The following PARD3B variants were observed in gnomAD, a reference collection of about 807,000 sequenced individuals.
PARD3B encodes the protein par-3 family cell polarity regulator beta, also known as partitioning defective 3 homolog B.
In PARD3B, 103 loss-of-function variants were observed where a neutral mutation model predicts 130.2. The ratio of observed to expected loss-of-function variants is 0.79; its 90% CI spans 0.67 to 0.93. PARD3B has a LOEUF of 0.93. PARD3B is among the 40% of genes least tolerant of loss of function. The pLI is 0.00. For synonymous variants in PARD3B, 583 were observed against 553.2 expected (o/e 1.05, Z -0.76); for missense variants, 1,609 against 1,499.2 (o/e 1.07, Z -1.21).
intron 16 of PARD3B, among the ~76,000 whole-genome samples, chr2:205,282,538 T>C (rs1193560261): frequency 7.6e-6 from 1 of 132,296 alleles, no homozygotes; most frequent in Non-Finnish European, 1.7e-5. Flanking sequence ...CACACATATA[T>C]ATTTAAATTT....
At chr2:205,484,923 GT>G (rs2049379760) in intron 20 of PARD3B, among the ~76,000 whole-genome samples, 1 of 152,130 alleles carries the variant, frequency 6.6e-6, no homozygotes, top group African/African-American at 2.4e-5. Context: ...TTCACTGTGG[GT>G]TATTTATAGA....
intron 1 of PARD3B, among the ~76,000 whole-genome samples, chr2:204,549,555 A>G (rs977544159): frequency 3.3e-5 from 5 of 152,128 alleles, no homozygotes; most frequent in Admixed American, 3.3e-4. Context: ...CAAGATTCTC[A>G]TTCATTGGGT....
intron 4 of PARD3B, among the ~76,000 whole-genome samples, chr2:205,050,528 C>G (rs1217293451): frequency 6.6e-6 from 1 of 152,004 alleles, no homozygotes; most frequent in Non-Finnish European, 1.5e-5. Flanking sequence ...TGAAATGTGT[C>G]TGATCCAAAT....
chr2:204,615,046 T>C (rs1254401828), intron 1 of PARD3B, among the ~76,000 whole-genome samples: 2 of 152,198 alleles, frequency 1.3e-5, no homozygotes, highest in African/African-American at 4.8e-5. Flanking sequence ...TTTTTGCAGA[T>C]CTTAATGTTT....
intron 22 of PARD3B, among the ~76,000 whole-genome samples, chr2:205,603,851 A>G (rs2054883699): frequency 6.6e-6 from 1 of 152,102 alleles, no homozygotes; most frequent in Admixed American, 6.6e-5. Flanking sequence ...TTTTCAGTTA[A>G]GGTTAATATT....
intron 10 of PARD3B, among the ~76,000 whole-genome samples, chr2:205,143,311 G>A (rs2033120485): frequency 6.6e-6 from 1 of 152,078 alleles, no homozygotes; most frequent in Non-Finnish European, 1.5e-5. Flanking sequence ...TCATGTATCA[G>A]CAAGTAAAAA....
intron 3 of PARD3B, among the ~76,000 whole-genome samples, chr2:204,991,146 T>C (rs548993670): frequency 6.6e-6 from 1 of 152,062 alleles, no homozygotes; most frequent in South Asian, 2.1e-4. Context: ...TACATATGTA[T>C]ACATGTGCCA....
intron 1 of PARD3B, among the ~76,000 whole-genome samples, chr2:204,643,040 G>T (rs2035139069): frequency 6.9e-6 from 1 of 145,580 alleles, no homozygotes; most frequent in Non-Finnish European, 1.5e-5. Context: ...TTTGAACCCG[G>T]GGGGCGCAGA....
At chr2:204,837,792 C>CT (rs1332796938) in intron 2 of PARD3B, among the ~76,000 whole-genome samples, 1 of 152,118 alleles carries the variant, frequency 6.6e-6, no homozygotes, top group African/African-American at 2.4e-5. Flanking sequence ...ATTTCCAGCC[C>CT]TTGGCCATAT....
chr2:204,695,259 T>C (rs1180041779), intron 2 of PARD3B, among the ~76,000 whole-genome samples: 1 of 152,050 alleles, frequency 6.6e-6, no homozygotes, highest in African/African-American at 2.4e-5. Context: ...GACCATTATT[T>C]TTTTTTAATA....
chr2:205,233,137 C>T (rs1485750471), intron 15 of PARD3B, among the ~76,000 whole-genome samples: 2 of 151,822 alleles, frequency 1.3e-5, no homozygotes, highest in African/African-American at 2.4e-5. Context: ...AAAAACAGGA[C>T]GACACATTTC....
chr2:205,054,402 T>TTATATATATATATATA (rs1491424946), intron 4 of PARD3B, among the ~76,000 whole-genome samples: 1 of 39,286 alleles, frequency 2.5e-5, no homozygotes, highest in African/African-American at 7.5e-5. Context: ...ATGACATGTC[T>TTATATATATATATATA]TTTATATATA....
At chr2:204,889,929 A>G (rs1221597756) in intron 2 of PARD3B, among the ~76,000 whole-genome samples, 2 of 152,240 alleles carry the variant, frequency 1.3e-5, no homozygotes, top group African/African-American at 4.8e-5. Context: ...TCCAACTGGA[A>G]GCATTCTAAT....
chr2:204,701,886 C>A (rs1215812708), intron 2 of PARD3B, among the ~76,000 whole-genome samples: 3 of 152,062 alleles, frequency 2.0e-5, no homozygotes, highest in Non-Finnish European at 4.4e-5. Flanking sequence ...GAACCCTTTC[C>A]CTTTTTGCTA....
chr2:205,381,042 A>G (rs1303900490), intron 18 of PARD3B, among the ~76,000 whole-genome samples: 1 of 53,218 alleles, frequency 1.9e-5, no homozygotes, highest in African/African-American at 1.2e-4. Context: ...TATATAAAGA[A>G]TATATATTAT....
intron 10 of PARD3B, among the ~76,000 whole-genome samples, chr2:205,156,256 C>T (rs868619474): frequency 2.2e-5 from 1 of 45,618 alleles, no homozygotes; most frequent in African/African-American, 8.6e-5. Flanking sequence ...ACTCTGGGGA[C>T]TGTTGTGGGG....
chr2:205,224,382 A>AAAAAAG (rs2038418863), intron 15 of PARD3B, among the ~76,000 whole-genome samples: 1 of 148,938 alleles, frequency 6.7e-6, no homozygotes. Flanking sequence ...AAAAAAAAAA[A>AAAAAAG]AAAAAAGAAA....
At chr2:204,631,923 G>A (rs1465504077) in intron 1 of PARD3B, among the ~76,000 whole-genome samples, 1 of 152,098 alleles carries the variant, frequency 6.6e-6, no homozygotes, top group Non-Finnish European at 1.5e-5. Context: ...TGAATTTTAA[G>A]TTTTTCATTT....
rs1033964507 is a variant in PARD3B at position 205,172,624 on chromosome 2, A to G, written c.1791+243A>G. ...TCTAGTTTTTTCCCCCAGAAATTCC[A>G]AGAGCTCTGAACTTGTTCATAAACA... is the stretch of plus-strand genomic sequence containing the variant. On this transcript the variant is annotated intron_variant, in intron 12 of 22. Transcript: ENST00000406610. Among the ~76,000 whole-genome samples the G allele has an allele frequency of 2.0e-5, 3 of 152,218 alleles. No homozygotes were observed. In the East Asian group the frequency reaches 5.8e-4, roughly 29 times the overall value.
Sources: gnomAD v4.1 joint callset for allele counts (sites outside exome capture counted in the v4.1 genomes callset) on GRCh38, gnomAD v4.1.1 for gene constraint, MANE v1.5 for transcripts, NCBI Gene and HGNC (gene_info 2026-07-23, HGNC 2026-07-21) for gene names.